NEK11: variants seen among roughly 807,000 people sequenced by gnomAD.
The protein encoded by NEK11 is NIMA related kinase 11, also known as serine/threonine-protein kinase Nek11.
In NEK11, 72 loss-of-function variants were observed where a neutral mutation model predicts 80.7. The ratio of observed to expected loss-of-function variants is 0.89; its 90% CI spans 0.74 to 1.08. NEK11 has a LOEUF of 1.08. Ranked by LOEUF, NEK11 falls within the 50% of genes least tolerant of loss-of-function variation. NEK11 has a pLI of 0.00. For missense variants in NEK11, 764 were observed against 763.6 expected (o/e 1.00, Z -0.01); for synonymous variants, 251 against 260.7 (o/e 0.96, Z 0.36).
At chr3:131,249,016 T>C (rs2095653335) in intron 16 of NEK11, among the ~76,000 whole-genome samples, 1 of 151,858 alleles carries the variant, frequency 6.6e-6, no homozygotes, top group South Asian at 2.1e-4. Flanking sequence ...GGTGTTTTTT[T>C]TTTCCTTAAA....
chr3:131,295,168 T>C (rs571270354), intron 17 of NEK11, among the ~76,000 whole-genome samples: 1 of 152,304 alleles, frequency 6.6e-6, no homozygotes, highest in East Asian at 1.9e-4. Flanking sequence ...ATTTCTATCT[T>C]CTAGTCCTTT....
intron 17 of NEK11, among the ~76,000 whole-genome samples, chr3:131,332,109 G>A (rs993402113): frequency 1.3e-5 from 2 of 152,242 alleles, no homozygotes; most frequent in Non-Finnish European, 2.9e-5. Flanking sequence ...TTTGAAGAGA[G>A]CAGTGGTTCT....
chr3:131,145,318 T>C (rs1173526682), intron 7 of NEK11, among the ~76,000 whole-genome samples: 3 of 152,156 alleles, frequency 2.0e-5, no homozygotes, highest in African/African-American at 4.8e-5. Flanking sequence ...CACATCTTTT[T>C]ATAACCTTAA....
intron 17 of NEK11, among the ~76,000 whole-genome samples, chr3:131,313,929 T>C (rs2109488946): frequency 6.6e-6 from 1 of 152,358 alleles, no homozygotes; most frequent in Admixed American, 6.5e-5. Flanking sequence ...TAAAAGGTTT[T>C]CAAGTTAAGG....
At chr3:131,293,643 A>G (rs761485934) in intron 17 of NEK11, among the ~76,000 whole-genome samples, 3 of 152,036 alleles carry the variant, frequency 2.0e-5, no homozygotes, top group South Asian at 2.1e-4. Flanking sequence ...TTCTGCTTCT[A>G]TCCTCTGAAA....
intron 5 of NEK11, among the ~76,000 whole-genome samples, chr3:131,112,693 G>A (rs367793835): frequency 2.2e-4 from 33 of 152,272 alleles, no homozygotes; most frequent in African/African-American, 6.7e-4. Flanking sequence ...GGAAGAAGTA[G>A]CACTTGACCC....
At chr3:131,303,460 TG>T (rs939992154) in intron 17 of NEK11, among the ~76,000 whole-genome samples, 68 of 152,326 alleles carry the variant, frequency 4.5e-4, no homozygotes, top group African/African-American at 1.6e-3. Flanking sequence ...TTGTGGTAGT[TG>T]GTAACTGTCT....
chr3:131,109,704 T>C, intron 4 of NEK11, 99 bp from the exon 5 acceptor site: 1 of 1,213,978 alleles, frequency 8.2e-7, no homozygotes. Flanking sequence ...AATGGCACTT[T>C]CTTATAAACA....
intron 7 of NEK11, among the ~76,000 whole-genome samples, chr3:131,149,482 A>C (rs1212398294): frequency 6.6e-6 from 1 of 152,116 alleles, no homozygotes; most frequent in Non-Finnish European, 1.5e-5. Context: ...TTGGGTATAT[A>C]TACCCAGTAA....
chr3:131,225,057 C>G (rs1350575305), intron 14 of NEK11, among the ~76,000 whole-genome samples: 3 of 152,162 alleles, frequency 2.0e-5, no homozygotes, highest in African/African-American at 7.2e-5. Context: ...CAGTAATGTT[C>G]TAGGCCTTCG....
intron 3 of NEK11, among the ~76,000 whole-genome samples, chr3:131,060,578 A>C (rs1210222877): frequency 6.6e-6 from 1 of 152,196 alleles, no homozygotes; most frequent in Non-Finnish European, 1.5e-5. Context: ...ATTTTCAGAG[A>C]TCTAAAAGGA....
intron 16 of NEK11, among the ~76,000 whole-genome samples, chr3:131,268,978 A>ACAT (rs1476835323): frequency 2.6e-5 from 4 of 152,200 alleles, no homozygotes; most frequent in African/African-American, 9.7e-5. Flanking sequence ...GAGAGGAGGA[A>ACAT]TCTAGAGAGA....
chr3:131,203,813 A>G lies in NEK11; in HGVS notation c.1400-24715A>G, dbSNP rs1207944485. Among the ~76,000 whole-genome samples, 8 of 97,678 alleles carry G rather than the reference A, an allele frequency of 8.2e-5. 1 individual carries two copies. Among genetic ancestry groups the G allele is most frequent in the African/African-American group, 2.8e-4 (7 of 24,900 alleles). 64.1% of individuals were successfully genotyped at this position (97,678 alleles called of 152,430 possible). On this transcript the variant is annotated intron_variant, in intron 14 of 17. Transcript: ENST00000383366. Reference sequence around the variant, plus strand: ...TATATATATATATATATATATATATATATATATATATATAAAGTTTTCACC... The same window carrying G: ...TATATATATATATATATATATATATGTATATATATATATAAAGTTTTCACC...
chr3:131,258,145 T>TGGACTCTGG (rs57840289), intron 16 of NEK11, among the ~76,000 whole-genome samples: 20,933 of 144,470 alleles, frequency 0.14, 1,673 homozygotes, highest in South Asian at 0.23. Flanking sequence ...AATGATATAA[T>TGGACTCTGG]GGACTCTGGG....
chr3:131,255,979 G>A (rs2108377758), intron 16 of NEK11, among the ~76,000 whole-genome samples: 1 of 152,208 alleles, frequency 6.6e-6, no homozygotes, highest in East Asian at 1.9e-4. Context: ...AACCTCTTGT[G>A]GTTCTGAGGG....
intron 3 of NEK11, among the ~76,000 whole-genome samples, chr3:131,064,378 C>T (rs2071480664): frequency 6.6e-6 from 1 of 152,122 alleles, no homozygotes; most frequent in Non-Finnish European, 1.5e-5. Context: ...AGATGGCCAC[C>T]TCCTTGCTCT....
chr3:131,214,858 G>A (rs1415585188), intron 14 of NEK11, among the ~76,000 whole-genome samples: 2 of 152,084 alleles, frequency 1.3e-5, no homozygotes, highest in Non-Finnish European at 2.9e-5. Context: ...CCTCCAGAAA[G>A]GGTCATGAAT....
rs541666233 is a variant in NEK11 at position 131,273,659 on chromosome 3, C to T, written c.1718+85C>T. 3.0e-6 allele frequency: 3 copies of T among 993,470 alleles called. No homozygotes were observed. In the African/African-American group the frequency reaches 4.8e-5, roughly 16 times the overall value. 61.5% of individuals were successfully genotyped at this position (993,470 alleles called of 1,614,324 possible). A position where few individuals can be genotyped will look rare whatever the true frequency, so the allele number is the denominator to read the frequency against. ...GTGTGACCCAGTCATGTGATACTGT[C>T]TTAGTCCATTTGTGCTGCCGTGACA... is the stretch of plus-strand genomic sequence containing the variant. On this transcript the variant is annotated intron_variant, in intron 17 of 17. Coordinates refer to ENST00000383366, the MANE Select transcript of NEK11 (RefSeq NM_024800.5).
intron 16 of NEK11, among the ~76,000 whole-genome samples, chr3:131,271,549 C>A (rs1402932678): frequency 1.3e-5 from 2 of 149,940 alleles, no homozygotes; most frequent in Non-Finnish European, 3.0e-5. Flanking sequence ...AATCCCAGCA[C>A]TTTGGCAGGC....
Sources: allele counts gnomAD v4.1 joint callset (sites outside exome capture counted in the v4.1 genomes callset), GRCh38; gene constraint gnomAD v4.1.1; transcripts MANE v1.5; gene names NCBI Gene and HGNC (gene_info 2026-07-23, HGNC 2026-07-21).